Variants in BICD1 observed in about 807,000 individuals in gnomAD.
The protein encoded by BICD1 is BICD cargo adaptor 1.
BICD1 carries 35 observed loss-of-function variants against 92.5 expected under a neutral mutation model. That is an observed-to-expected ratio of 0.38 (90% CI 0.29 to 0.50). The LOEUF (loss-of-function observed/expected upper bound fraction) is 0.50, where lower values mean the gene tolerates loss of function less well. Among genes scored for constraint, BICD1 ranks in the 20% least tolerant of loss-of-function variants. The pLI, the probability that BICD1 is intolerant of heterozygous loss-of-function variation, is 0.93. For synonymous variants in BICD1, 429 were observed against 465.1 expected, an observed-to-expected ratio of 0.92 and a Z score of 1.00; for missense variants, 950 against 1,189.8, an observed-to-expected ratio of 0.80 and a Z score of 2.97.
intron 9 of BICD1, among the ~76,000 whole-genome samples, chr12:32,373,271 G>A (rs1461897110): frequency 6.6e-6 from 1 of 152,116 alleles, no homozygotes; most frequent in East Asian, 1.9e-4. Flanking sequence ...TGCCTTAAAT[G>A]ATTATAATTT....
At chr12:32,248,809 G>C (rs1023156063) in intron 2 of BICD1, among the ~76,000 whole-genome samples, 1 of 152,096 alleles carries the variant, frequency 6.6e-6, no homozygotes, top group African/African-American at 2.4e-5. Flanking sequence ...CAAAGAGGGG[G>C]GTCTGGAAAA....
chr12:32,240,231 T>C (rs1946197227), intron 2 of BICD1, among the ~76,000 whole-genome samples: 1 of 152,242 alleles, frequency 6.6e-6, no homozygotes, highest in African/African-American at 2.4e-5. Context: ...TAATTTTTTA[T>C]GGCTGCTATA....
chr12:32,234,671 C>CTTTTT (rs112868471), intron 2 of BICD1, among the ~76,000 whole-genome samples: 14 of 120,734 alleles, frequency 1.2e-4, no homozygotes, highest in East Asian at 5.2e-4. Context: ...TTTTTTCTTT[C>CTTTTT]TTTTTTTTTT....
At chr12:32,311,805 G>A (rs1012075313) in intron 4 of BICD1, among the ~76,000 whole-genome samples, 2 of 152,196 alleles carry the variant, frequency 1.3e-5, no homozygotes, top group Non-Finnish European at 2.9e-5. Flanking sequence ...ATCTGGAAAG[G>A]AAGGAAGGAA....
At chr12:32,249,618 G>A (rs116404832) in intron 2 of BICD1, among the ~76,000 whole-genome samples, 3 of 151,854 alleles carry the variant, frequency 2.0e-5, no homozygotes, top group Non-Finnish European at 4.4e-5. Flanking sequence ...CTCTGGGTTC[G>A]GGAGTGTCTT....
intron 1 of BICD1, among the ~76,000 whole-genome samples, chr12:32,129,524 CAAAAAA>C (rs756293470): frequency 1.2e-5 from 1 of 82,674 alleles, no homozygotes; most frequent in Admixed American, 1.5e-4. Flanking sequence ...GATTCCATCT[CAAAAAA>C]AAAAAAAAAA....
intron 1 of BICD1, among the ~76,000 whole-genome samples, chr12:32,214,936 CTG>C (rs1945308910): frequency 6.6e-6 from 1 of 151,908 alleles, no homozygotes; most frequent in Admixed American, 6.6e-5. Context: ...AGTCAGAACT[CTG>C]TGAAAAGGGG....
chr12:32,229,746 G>T (rs1196558354), intron 2 of BICD1, among the ~76,000 whole-genome samples: 1 of 152,140 alleles, frequency 6.6e-6, no homozygotes, highest in Non-Finnish European at 1.5e-5. Flanking sequence ...AAATGAGGAG[G>T]TAGCTAGGGG....
chr12:32,189,773 A>C (rs931976160), intron 1 of BICD1, among the ~76,000 whole-genome samples: 1 of 149,112 alleles, frequency 6.7e-6, no homozygotes, highest in African/African-American at 2.5e-5. Flanking sequence ...ATCTCGGCTC[A>C]CTGCAACCTC....
chr12:32,171,977 ACACACACACACACT>A (rs778743548), intron 1 of BICD1, among the ~76,000 whole-genome samples: 1 of 133,816 alleles, frequency 7.5e-6, no homozygotes, highest in Non-Finnish European at 1.7e-5. Context: ...ACACACACAC[ACACACACACACACT>A]AAAACTGCTG....
At position 32,294,058 on chromosome 12, in the gene BICD1, G is replaced by A. The variant is rs779950721; in HGVS notation, c.491G>A (p.Arg164Gln). ...MKDEIREYKF[R>Q]EARLLQDYTE... ...GATGAAATCCGAGAATATAAGTTCC[G>A]GGAGGCACGGCTCCTTCAGGACTAT... The change falls in exon 3 of 10, where the codon CGG becomes CAG. Residue 164 changes from arginine (R) to glutamine (Q), a missense_variant. This residue lies in a region of BICD1 where 202 missense variants were observed against 205.3 expected (regional missense o/e 0.98). Coordinates refer to ENST00000652176, the MANE Select transcript of BICD1 (RefSeq NM_001714.4). 1.9e-6 allele frequency: 3 copies of A among 1,612,706 alleles called. No homozygotes were observed. The highest frequency in any genetic ancestry group is 1.3e-5 in the African/African-American group (1 of 74,850).
intron 2 of BICD1, among the ~76,000 whole-genome samples, chr12:32,242,056 A>AAACAAACAAAC (rs571056325): frequency 0.015 from 2,297 of 150,338 alleles, 24 homozygotes; most frequent in South Asian, 0.023. Context: ...AACAAACAAA[A>AAACAAACAAAC]AAACAAAAAT....
At position 32,380,345 on chromosome 12, in the gene BICD1, G is replaced by C. The variant is rs1207418970; in HGVS notation, c.*2718G>C. On this transcript the variant is annotated 3_prime_UTR_variant, in exon 10 of 10. Coordinates refer to ENST00000652176, the MANE Select transcript of BICD1 (RefSeq NM_001714.4). ...AATTGAAAAGGGGCAGAACTAGTGA[G>C]AACCAAAAAGAATGAACTCCAGTAA... 6.6e-6 allele frequency: 1 copy of C among 152,100 alleles called. No homozygotes were observed. The highest frequency in any genetic ancestry group is 2.4e-5 in the African/African-American group (1 of 41,418). 9.4% of individuals were successfully genotyped at this position (152,100 alleles called of 1,614,324 possible).
chr12:32,116,496 C>CTATA (rs1941911542), intron 1 of BICD1, among the ~76,000 whole-genome samples: 7 of 67,556 alleles, frequency 1.0e-4, no homozygotes, highest in East Asian at 3.8e-4. Flanking sequence ...CTCTCTTTCT[C>CTATA]TCTCTCTCTC....
At chr12:32,299,147 T>G (rs1947963980) in intron 3 of BICD1, among the ~76,000 whole-genome samples, 1 of 152,212 alleles carries the variant, frequency 6.6e-6, no homozygotes, top group South Asian at 2.1e-4. Flanking sequence ...TCTGAAAGGA[T>G]TATGATATCT....
At position 32,381,064 on chromosome 12, in the gene BICD1, C is replaced by T. The variant is rs925999410; in HGVS notation, c.*3437C>T. 1.3e-5 allele frequency: 2 copies of T among 151,980 alleles called. No homozygotes were observed. The highest frequency in any genetic ancestry group is 4.8e-5 in the African/African-American group (2 of 41,406). 9.4% of individuals were successfully genotyped at this position (151,980 alleles called of 1,614,324 possible). A position where few individuals can be genotyped will look rare whatever the true frequency, so the allele number is the denominator to read the frequency against. ...AGAATGCATTTCAGTTCTGGGAGCT[C>T]ATAATCCTGTGATTCTTTTATTTTA... On this transcript the variant is annotated 3_prime_UTR_variant, in exon 10 of 10. Transcript: ENST00000652176.
chr12:32,174,224 G>A (rs10844149), intron 1 of BICD1, among the ~76,000 whole-genome samples: 37,288 of 152,018 alleles, frequency 0.25, 4,980 homozygotes, highest in Middle Eastern at 0.42. Context: ...AGATGTATCT[G>A]TTTTTTCCTT....
chr12:32,216,932 G>T (rs775847442), intron 2 of BICD1, among the ~76,000 whole-genome samples: 3 of 152,166 alleles, frequency 2.0e-5, no homozygotes, highest in Non-Finnish European at 2.9e-5. Context: ...GATCCCCAAA[G>T]GATTTTTCTG....
chr12:32,325,126 A>C (rs1048183976), intron 4 of BICD1, among the ~76,000 whole-genome samples: 4 of 142,802 alleles, frequency 2.8e-5, no homozygotes, highest in Non-Finnish European at 1.5e-5. Context: ...GGCACACCCC[A>C]CTGCACCTGG....
Sources: gnomAD v4.1 joint callset for allele counts (sites outside exome capture counted in the v4.1 genomes callset) on GRCh38, gnomAD v4.1.1 for gene constraint, gnomAD v4.1.1 regional missense constraint, MANE v1.5 for transcripts, NCBI Gene and HGNC (gene_info 2026-07-23, HGNC 2026-07-21) for gene names.